UBTD2: variants seen among roughly 807,000 people sequenced by gnomAD.
The protein encoded by UBTD2 is ubiquitin domain containing 2.
Under a neutral mutation model 19.8 loss-of-function variants are expected in UBTD2, and 9 were observed. That is an observed-to-expected ratio of 0.46 (90% CI 0.27 to 0.79). The LOEUF (loss-of-function observed/expected upper bound fraction) is 0.79. UBTD2 is among the 30% of genes least tolerant of loss of function. The pLI is 0.14. For synonymous variants in UBTD2, 98 were observed against 103.9 expected, an observed-to-expected ratio of 0.94 and a Z score of 0.35; for missense variants, 250 against 300.4, an observed-to-expected ratio of 0.83 and a Z score of 1.24.
chr5:172,283,460 G>C lies in UBTD2; in HGVS notation c.70+136C>G, dbSNP rs1387920549. ...GCGGCTGGCAGGACAGCCGGAAGCG[G>C]AGCGCGGGGAATGACGTGGAAGAGG... On this transcript the variant is annotated intron_variant, in intron 1 of 2. Coordinates refer to ENST00000393792, the MANE Select transcript of UBTD2 (RefSeq NM_152277.3). The surrounding 1 kb of genome is among the most constrained non-coding windows in gnomAD (Gnocchi z 4.3). 1 of 655,358 alleles carries C rather than the reference G, an allele frequency of 1.5e-6. No individual in the cohort carries two copies. The highest frequency in any genetic ancestry group is 2.1e-6 in the Non-Finnish European group (1 of 470,546). The allele number at this position is 655,358 out of a possible 1,614,324, so 40.6% of individuals were successfully genotyped here.
chr5:172,242,534 A>T, intron 1 of UBTD2: 1 of 576,766 alleles, frequency 1.7e-6, no homozygotes, highest in Non-Finnish European at 2.2e-6. Context: ...TTAACCTATA[A>T]ATAGGAAGTT....
chr5:172,280,775 T>C (rs964366572), intron 1 of UBTD2, among the ~76,000 whole-genome samples: 3 of 152,158 alleles, frequency 2.0e-5, no homozygotes, highest in Non-Finnish European at 4.4e-5. Flanking sequence ...CCCAAAACAA[T>C]AGATAATGCA....
chr5:172,223,037 G>A lies in UBTD2; in HGVS notation c.308-10810C>T, dbSNP rs10059161. 9.6e-3 allele frequency among the ~76,000 whole-genome samples: 1,462 copies of A among 152,146 alleles called. 32 individuals carry two copies. Among genetic ancestry groups the A allele is most frequent in the African/African-American group, 0.033 (1,364 of 41,504 alleles). ...CTGACTACAGAAATGGAAAAAAATC[G>A]AACTGAGAAATTCAAAGACAACTGG... is the stretch of plus-strand genomic sequence containing the variant. On this transcript the variant is annotated intron_variant, in intron 2 of 2. Transcript: ENST00000393792.
At chr5:172,239,657 G>A (rs578042892) in intron 1 of UBTD2, among the ~76,000 whole-genome samples, 5 of 152,170 alleles carry the variant, frequency 3.3e-5, no homozygotes, top group Admixed American at 1.3e-4. Flanking sequence ...CCGAACTCAG[G>A]TGATCCACCA....
At chr5:172,225,188 G>A (rs987512329) in intron 2 of UBTD2, among the ~76,000 whole-genome samples, 1 of 152,098 alleles carries the variant, frequency 6.6e-6, no homozygotes, top group African/African-American at 2.4e-5. Context: ...CCCCAGGCCA[G>A]GAAGCCCTGA....
chr5:172,246,749 TGC>T (rs1213990882), intron 1 of UBTD2, among the ~76,000 whole-genome samples: 11 of 123,726 alleles, frequency 8.9e-5, no homozygotes, highest in Admixed American at 2.9e-4. Context: ...CAGCCGAGAT[TGC>T]TTTTTTTTTT....
chr5:172,255,099 C>G, intron 1 of UBTD2: 1 of 488,338 alleles, frequency 2.0e-6, no homozygotes, highest in Non-Finnish European at 4.0e-6. Context: ...AGGCTGCCAG[C>G]CTGGAGAAGG....
intron 1 of UBTD2, among the ~76,000 whole-genome samples, chr5:172,236,420 G>A (rs1189107806): frequency 6.6e-6 from 1 of 152,184 alleles, no homozygotes; most frequent in African/African-American, 2.4e-5. Context: ...TCAAATGCGA[G>A]AAACACAGTC....
intron 1 of UBTD2, among the ~76,000 whole-genome samples, chr5:172,268,888 AT>A (rs1322510442): frequency 6.6e-6 from 1 of 152,220 alleles, no homozygotes; most frequent in Non-Finnish European, 1.5e-5. Context: ...TTTGAGGACA[AT>A]TAAGGGATTT....
At chr5:172,265,812 C>G (rs906847431) in intron 1 of UBTD2, among the ~76,000 whole-genome samples, 7 of 152,088 alleles carry the variant, frequency 4.6e-5, no homozygotes, top group African/African-American at 1.4e-4. Context: ...TTACAATATT[C>G]TGGGGGAAGA....
rs1417439675 is a variant in UBTD2 at position 172,234,266 on chromosome 5, C to T, written c.163G>A (p.Asp55Asn). ...MTDGQLRSKR[D>N]EFWDTAPAFE... ...GCTGGTGCTGTATCCCAAAATTCAT[C>T]CCTCTTGCTGCGTAGTTGTCCATCT... Residue 55 changes from aspartate to asparagine, a missense_variant, in exon 2 of 3, where the codon GAT becomes AAT. By Grantham distance (23) the Asp-to-Asn change is conservative (BLOSUM62 1). Transcript: ENST00000393792. 6.2e-7 allele frequency: 1 copy of T among 1,614,184 alleles called. No homozygotes were observed. Among genetic ancestry groups the T allele is most frequent in the Admixed American group, 1.7e-5 (1 of 60,028 alleles).
At position 172,283,320 on chromosome 5, in the gene UBTD2, G is replaced by T. The variant is rs539865357; in HGVS notation, c.70+276C>A. On this transcript the variant is annotated intron_variant, in intron 1 of 2. Coordinates refer to ENST00000393792, the MANE Select transcript of UBTD2 (RefSeq NM_152277.3). The surrounding 1 kb of genome is among the most constrained non-coding windows in gnomAD (Gnocchi z 4.3). ...GAGAGGGAGTGAGGTGGCCAGAAGG[G>T]CAGCTTCGGGTCCGACTTCCCCGAG... Among the ~76,000 whole-genome samples, 70 of 152,218 alleles carry T rather than the reference G, an allele frequency of 4.6e-4. No individual in the cohort carries two copies. The highest frequency in any genetic ancestry group is 1.6e-3 in the African/African-American group (67 of 41,548).
At chr5:172,274,202 A>G (rs10074340) in intron 1 of UBTD2, among the ~76,000 whole-genome samples, 107,864 of 146,914 alleles carry the variant, frequency 0.73, 40,732 homozygotes, top group African/African-American at 0.93. Flanking sequence ...GTGCAGTGGC[A>G]CAATCTCGGC....
At chr5:172,223,721 T>C (rs1229371559) in intron 2 of UBTD2, among the ~76,000 whole-genome samples, 4 of 151,602 alleles carry the variant, frequency 2.6e-5, no homozygotes, top group Non-Finnish European at 5.9e-5. Context: ...ATTATACCCA[T>C]TTTACAGATG....
intron 1 of UBTD2, among the ~76,000 whole-genome samples, chr5:172,270,027 A>C (rs1445694255): frequency 1.3e-5 from 2 of 151,548 alleles, no homozygotes; most frequent in African/African-American, 2.4e-5. Context: ...CAGTGAGCCG[A>C]GATCACGCCA....
intron 1 of UBTD2, among the ~76,000 whole-genome samples, chr5:172,258,913 T>C (rs1467427089): frequency 1.3e-5 from 2 of 152,188 alleles, no homozygotes; most frequent in East Asian, 3.8e-4. Flanking sequence ...TGACTTCCTC[T>C]CTTCCTCTTA....
intron 1 of UBTD2, among the ~76,000 whole-genome samples, chr5:172,272,647 G>A (rs1755517186): frequency 6.6e-6 from 1 of 152,108 alleles, no homozygotes; most frequent in South Asian, 2.1e-4. Flanking sequence ...CAATGTAAAG[G>A]CAAAATTTTG....
chr5:172,230,329 A>G (rs560430365), intron 2 of UBTD2, among the ~76,000 whole-genome samples: 1 of 151,044 alleles, frequency 6.6e-6, no homozygotes, highest in Admixed American at 6.7e-5. Flanking sequence ...CTCCGTCTCA[A>G]AGTAAAAAAA....
intron 1 of UBTD2, among the ~76,000 whole-genome samples, chr5:172,247,776 T>C (rs1754912973): frequency 6.6e-6 from 1 of 152,132 alleles, no homozygotes; most frequent in African/African-American, 2.4e-5. Flanking sequence ...GTATGAAACA[T>C]ATAGACAGAA....
Sources: gnomAD v4.1 joint callset for allele counts (sites outside exome capture counted in the v4.1 genomes callset) on GRCh38, gnomAD v4.1.1 for gene constraint, Gnocchi (gnomAD v3.1) non-coding constraint, MANE v1.5 for transcripts, NCBI Gene and HGNC (gene_info 2026-07-23, HGNC 2026-07-21) for gene names.